The following SLCO5A1 variants were observed in gnomAD, a reference collection of about 807,000 sequenced individuals.
The protein encoded by SLCO5A1 is organic anion transporter polypeptide-related protein 4.
Under a neutral mutation model 65.1 loss-of-function variants are expected in SLCO5A1, and 39 were observed. The observed-to-expected ratio is 0.60, with a 90% confidence interval of 0.46 to 0.78. SLCO5A1 has a LOEUF of 0.78. Ranked by LOEUF, SLCO5A1 falls within the 30% of genes least tolerant of loss-of-function variation. SLCO5A1 has a pLI of 0.00. For missense variants in SLCO5A1, 1,029 were observed against 1,069.4 expected (o/e 0.96, Z 0.53); for synonymous variants, 438 against 415.7 (o/e 1.05, Z -0.65).
chr8:69,816,251 C>G (rs1018084933), intron 2 of SLCO5A1, among the ~76,000 whole-genome samples: 5 of 152,096 alleles, frequency 3.3e-5, no homozygotes, highest in Non-Finnish European at 7.4e-5. Flanking sequence ...CGATGAAATA[C>G]CTCAGACCCT....
At chr8:69,684,104 A>G (rs1813904898) in intron 6 of SLCO5A1, among the ~76,000 whole-genome samples, 1 of 151,308 alleles carries the variant, frequency 6.6e-6, no homozygotes, top group Non-Finnish European at 1.5e-5. Context: ...GTCGCTCCAT[A>G]GAAAAAAAGT....
At chr8:69,826,734 T>G (rs1205181100) in intron 2 of SLCO5A1, among the ~76,000 whole-genome samples, 1 of 152,178 alleles carries the variant, frequency 6.6e-6, no homozygotes, top group African/African-American at 2.4e-5. Flanking sequence ...TGGAAGTCAG[T>G]GTGGCGATTC....
In SLCO5A1 at chr8:69,682,202, A is replaced by C; in HGVS notation, c.1764T>G (p.Ser588Arg). The C allele has an allele frequency of 4.3e-6, 7 of 1,612,106 alleles. No homozygotes were observed. The highest frequency in any genetic ancestry group is 2.2e-5 in the East Asian group (1 of 44,742). Residue 588 changes from serine (S) to arginine (R), a missense_variant, in exon 7 of 10, where the codon AGT becomes AGG. Ser to Arg is a moderately radical substitution (Grantham distance 110, BLOSUM62 -1). Transcript: ENST00000260126. The stretch of plus-strand genomic sequence containing the variant: ...TACTCACCCCAGTGCTAAGATTACC[A>C]CTATTAACACAGCCAGCCAGACAAG... ...FNPCLAGCVN[S>R]GNLSTGIRNY...
chr8:69,726,496 C>CCTTTTT (rs71275007), intron 5 of SLCO5A1, among the ~76,000 whole-genome samples: 1 of 115,028 alleles, frequency 8.7e-6, no homozygotes. Context: ...TTCCTACCTC[C>CCTTTTT]TTTTTTTTTT....
chr8:69,791,149 T>C (rs529880193), intron 2 of SLCO5A1, among the ~76,000 whole-genome samples: 80 of 152,356 alleles, frequency 5.3e-4, no homozygotes, highest in Non-Finnish European at 8.5e-4. Flanking sequence ...ACTGTCCCTC[T>C]GTTCCTGCAG....
chr8:69,744,986 C>T (rs1241196496), intron 4 of SLCO5A1, among the ~76,000 whole-genome samples: 1 of 152,140 alleles, frequency 6.6e-6, no homozygotes, highest in Non-Finnish European at 1.5e-5. Flanking sequence ...AAAATACTAA[C>T]AGGAGAAACA....
chr8:69,804,084 A>G (rs1443866343), intron 2 of SLCO5A1, among the ~76,000 whole-genome samples: 1 of 152,220 alleles, frequency 6.6e-6, no homozygotes, highest in Non-Finnish European at 1.5e-5. Flanking sequence ...AAAGCAGGTT[A>G]GGAAAGAGTT....
At chr8:69,796,484 C>T (rs1794404933) in intron 2 of SLCO5A1, among the ~76,000 whole-genome samples, 1 of 151,942 alleles carries the variant, frequency 6.6e-6, no homozygotes, top group African/African-American at 2.4e-5. Flanking sequence ...GGCGTGGTGG[C>T]ATATGCCTAT....
intron 3 of SLCO5A1, among the ~76,000 whole-genome samples, chr8:69,756,808 A>G (rs1302546540): frequency 1.3e-5 from 2 of 152,246 alleles, no homozygotes; most frequent in East Asian, 1.9e-4. Flanking sequence ...TCTTGACTGC[A>G]TGATGCCCCG....
intron 2 of SLCO5A1, among the ~76,000 whole-genome samples, chr8:69,808,477 G>C (rs540365147): frequency 6.6e-6 from 1 of 152,084 alleles, no homozygotes; most frequent in East Asian, 1.9e-4. Context: ...CTCCATCCAC[G>C]TTCCTGCAAA....
chr8:69,684,341 C>T (rs184697011), intron 6 of SLCO5A1, among the ~76,000 whole-genome samples: 1 of 152,252 alleles, frequency 6.6e-6, no homozygotes, highest in East Asian at 1.9e-4. Context: ...GGTAGGAGAT[C>T]AGCGGGACCT....
intron 6 of SLCO5A1, among the ~76,000 whole-genome samples, chr8:69,688,340 T>TA (rs1554606340): frequency 6.6e-6 from 1 of 152,104 alleles, no homozygotes; most frequent in African/African-American, 2.4e-5. Context: ...AAATTTTTTT[T>TA]TTATTATTAT....
At chr8:69,705,319 G>C in intron 5 of SLCO5A1, 90 bp from the exon 6 acceptor site, 1 of 1,252,218 alleles carries the variant, frequency 8.0e-7, no homozygotes, top group Non-Finnish European at 1.1e-6. Context: ...TAGTACTGAG[G>C]TAAAAAATCA....
intron 2 of SLCO5A1, among the ~76,000 whole-genome samples, chr8:69,774,844 T>C (rs4292696): frequency 0.96 from 145,872 of 152,308 alleles, 69,962 homozygotes; most frequent in East Asian, 1. Context: ...CACGTCGCCA[T>C]GATACTGCAA....
chr8:69,739,048 A>G (rs1377451989), intron 4 of SLCO5A1, among the ~76,000 whole-genome samples: 2 of 152,250 alleles, frequency 1.3e-5, no homozygotes, highest in Non-Finnish European at 1.5e-5. Context: ...ATGGAAAACT[A>G]GACAGTAGTT....
intron 2 of SLCO5A1, among the ~76,000 whole-genome samples, chr8:69,823,514 C>T (rs566602794): frequency 1.7e-3 from 261 of 152,148 alleles, no homozygotes; most frequent in Non-Finnish European, 2.8e-3. Flanking sequence ...CAGCAAAGAT[C>T]AAAAGAGACA....
intron 6 of SLCO5A1, among the ~76,000 whole-genome samples, chr8:69,698,744 T>TGTG (rs1814601036): frequency 6.6e-6 from 1 of 152,218 alleles, no homozygotes; most frequent in African/African-American, 2.4e-5. Context: ...GCTTAAACTA[T>TGTG]CACTTCAATG....
intron 6 of SLCO5A1, among the ~76,000 whole-genome samples, chr8:69,691,710 TCACTTAATGACAGGGA>T (rs1404754602): frequency 1.3e-5 from 2 of 152,246 alleles, no homozygotes; most frequent in African/African-American, 4.8e-5. Context: ...TAGTCATGTG[TCACTTAATGACAGGGA>T]CACATTCTGA....
intron 5 of SLCO5A1, among the ~76,000 whole-genome samples, chr8:69,729,539 A>G (rs1472062753): frequency 6.6e-6 from 1 of 151,000 alleles, no homozygotes; most frequent in Admixed American, 6.6e-5. Flanking sequence ...TTAACAAATT[A>G]TTGGCCACTA....
Sources: allele counts gnomAD v4.1 joint callset (sites outside exome capture counted in the v4.1 genomes callset), GRCh38; gene constraint gnomAD v4.1.1; transcripts MANE v1.5; gene names NCBI Gene and HGNC (gene_info 2026-07-23, HGNC 2026-07-21).